DKK2: variants seen among roughly 807,000 people sequenced by gnomAD.
DKK2 encodes the protein dickkopf-related protein 2.
DKK2 carries 11 observed loss-of-function variants against 28.1 expected under a neutral mutation model. The observed-to-expected ratio is 0.39, with a 90% CI of 0.25 to 0.65. The LOEUF is 0.65. Among genes scored for constraint, DKK2 ranks in the 30% least tolerant of loss-of-function variants. The pLI is 0.47. For missense variants in DKK2, 326 were observed against 335.5 expected, an observed-to-expected ratio of 0.97 and a Z score of 0.22; for synonymous variants, 135 against 126.5, an observed-to-expected ratio of 1.07 and a Z score of -0.45.
chr4:107,001,343 T>C (rs1214101334), intron 1 of DKK2, among the ~76,000 whole-genome samples: 4 of 152,216 alleles, frequency 2.6e-5, no homozygotes, highest in African/African-American at 9.6e-5. Flanking sequence ...AATAAATTTC[T>C]GTTATTTTAA....
chr4:106,979,966 T>C (rs1410636487), intron 1 of DKK2, among the ~76,000 whole-genome samples: 1 of 152,240 alleles, frequency 6.6e-6, no homozygotes, highest in Non-Finnish European at 1.5e-5. Flanking sequence ...TAAGTCTAAA[T>C]TACTCATTCA....
At chr4:107,034,396 C>A (rs1344518438) in intron 1 of DKK2, among the ~76,000 whole-genome samples, 2 of 151,576 alleles carry the variant, frequency 1.3e-5, no homozygotes, top group African/African-American at 4.8e-5. Flanking sequence ...GAAGGGGGAG[C>A]TGTCATGATT....
chr4:106,940,054 G>A (rs2110343313), intron 1 of DKK2, among the ~76,000 whole-genome samples: 1 of 152,224 alleles, frequency 6.6e-6, no homozygotes, highest in South Asian at 2.1e-4. Context: ...CATGGGCAAG[G>A]ACTTCATGTC....
chr4:106,965,578 T>C (rs1722764881), intron 1 of DKK2, among the ~76,000 whole-genome samples: 1 of 152,160 alleles, frequency 6.6e-6, no homozygotes, highest in African/African-American at 2.4e-5. Context: ...AATCCAGTGG[T>C]ACTTATAGTA....
intron 1 of DKK2, among the ~76,000 whole-genome samples, chr4:107,004,293 G>A (rs142044438): frequency 3.3e-5 from 5 of 152,242 alleles, no homozygotes; most frequent in Non-Finnish European, 7.4e-5. Context: ...ACTGTATCTG[G>A]TGCTCAGTCC....
At chr4:107,035,238 C>G (rs1723944486) in intron 1 of DKK2, 132 bp downstream of exon 1, 2 of 1,092,268 alleles carry the variant, frequency 1.8e-6, no homozygotes, top group Admixed American at 4.7e-5. Context: ...TCGGTGAATC[C>G]CTCCCCAGCC....
At chr4:106,935,886 C>A (rs1724578844) in intron 1 of DKK2, among the ~76,000 whole-genome samples, 1 of 152,168 alleles carries the variant, frequency 6.6e-6, no homozygotes, top group Non-Finnish European at 1.5e-5. Context: ...GGTATTCCAA[C>A]AGACCTGCAG....
chr4:107,013,973 C>T (rs932129883), intron 1 of DKK2, among the ~76,000 whole-genome samples: 51 of 151,306 alleles, frequency 3.4e-4, no homozygotes, highest in African/African-American at 1.2e-3. Flanking sequence ...TGGCTACTAT[C>T]AAAAAGACAA....
At chr4:107,034,191 A>G (rs1723925360) in intron 1 of DKK2, among the ~76,000 whole-genome samples, 1 of 151,998 alleles carries the variant, frequency 6.6e-6, no homozygotes, top group African/African-American at 2.4e-5. Context: ...ACCAACCTTC[A>G]GCCGGCTGGC....
intron 1 of DKK2, among the ~76,000 whole-genome samples, chr4:106,935,680 G>A (rs981050634): frequency 1.3e-5 from 2 of 152,184 alleles, no homozygotes; most frequent in African/African-American, 2.4e-5. Context: ...GACAAACAAA[G>A]AGACAGCAGT....
intron 1 of DKK2, among the ~76,000 whole-genome samples, chr4:106,937,612 C>T (rs1367238498): frequency 1.1e-4 from 16 of 151,976 alleles, no homozygotes; most frequent in South Asian, 1.0e-3. Flanking sequence ...CTTCACCAAG[C>T]GGACCTAATA....
chr4:107,002,333 A>C (rs1181326513), intron 1 of DKK2, among the ~76,000 whole-genome samples: 1 of 152,176 alleles, frequency 6.6e-6, no homozygotes, highest in African/African-American at 2.4e-5. Context: ...TAGTTAGCAG[A>C]CCTATTGGTT....
rs558825612 is a variant in DKK2, at chr4:107,029,697, C to T, written c.222+5673G>A. On this transcript the variant is annotated intron_variant, in intron 1 of 3. Transcript: ENST00000285311. ...TAATGTCTCTTGGGAAAGGTTTGGA[C>T]AGAACTACCACTTTGAGAAGTCATT... is the stretch of plus-strand genomic sequence containing the variant. Among the ~76,000 whole-genome samples, 20 of 152,206 alleles carry T rather than the reference C, an allele frequency of 1.3e-4. No homozygotes were observed. In the East Asian group the frequency reaches 1.5e-3, roughly 12 times the overall value.
At chr4:106,952,802 C>T (rs1429130133) in intron 1 of DKK2, among the ~76,000 whole-genome samples, 1 of 152,088 alleles carries the variant, frequency 6.6e-6, no homozygotes, top group East Asian at 1.9e-4. Context: ...CATCAAACAC[C>T]TTATCATGAA....
intron 1 of DKK2, among the ~76,000 whole-genome samples, chr4:106,962,544 TG>T (rs1722707537): frequency 7.9e-6 from 1 of 126,390 alleles, no homozygotes; most frequent in Non-Finnish European, 1.7e-5. Flanking sequence ...TGTGTGTGTG[TG>T]TGTGTGTGAA....
intron 1 of DKK2, among the ~76,000 whole-genome samples, chr4:107,014,533 C>G (rs1364397060): frequency 2.0e-5 from 3 of 150,824 alleles, no homozygotes; most frequent in Admixed American, 6.6e-5. Flanking sequence ...TCATGGGGTA[C>G]AAAGTTACAG....
chr4:106,936,885 G>A (rs374814467), intron 1 of DKK2, among the ~76,000 whole-genome samples: 1 of 150,600 alleles, frequency 6.6e-6, no homozygotes, highest in Non-Finnish European at 1.5e-5. Context: ...AAGTGAAGGA[G>A]AAATAAAATA....
chr4:106,964,960 T>TATAGATGATAGATAGATAG (rs1553922186), intron 1 of DKK2, among the ~76,000 whole-genome samples: 1 of 146,342 alleles, frequency 6.8e-6, no homozygotes, highest in Admixed American at 6.9e-5. Flanking sequence ...GATAGATAGA[T>TATAGATGATAGATAGATAG]ATAGATAGAT....
At chr4:106,936,990 A>T (rs1298222229) in intron 1 of DKK2, among the ~76,000 whole-genome samples, 3 of 151,606 alleles carry the variant, frequency 2.0e-5, no homozygotes, top group East Asian at 1.9e-4. Context: ...AAGGAACAAC[A>T]GGTACCAGCC....
Sources: allele counts gnomAD v4.1 joint callset (sites outside exome capture counted in the v4.1 genomes callset), GRCh38; gene constraint gnomAD v4.1.1; transcripts MANE v1.5; gene names NCBI Gene and HGNC (gene_info 2026-07-23, HGNC 2026-07-21).